Variants in EYS observed in about 807,000 individuals in gnomAD.
EYS encodes the protein EGF-like photoreceptor maintenance factor, also known as protein eyes shut homolog.
Under a neutral mutation model 282.1 loss-of-function variants are expected in EYS, and 250 were observed. That is an observed-to-expected ratio of 0.89 (90% confidence interval 0.80 to 0.98). The LOEUF (loss-of-function observed/expected upper bound fraction) is 0.98, where lower values mean the gene tolerates loss of function less well. EYS is among the 50% of genes least tolerant of loss of function. The pLI is 0.00. For missense variants in EYS, 4,016 were observed against 3,709.0 expected (o/e 1.08, Z -2.15); for synonymous variants, 1,355 against 1,282.9 (o/e 1.06, Z -1.20).
chr6:64,406,693 C>T (rs1483516010), intron 28 of EYS, among the ~76,000 whole-genome samples: 1 of 152,154 alleles, frequency 6.6e-6, no homozygotes, highest in Non-Finnish European at 1.5e-5. Context: ...ATGCAGCCAA[C>T]TAACATGAAA....
intron 16 of EYS, among the ~76,000 whole-genome samples, chr6:64,904,219 A>C (rs548304099): frequency 5.2e-4 from 79 of 152,330 alleles, no homozygotes; most frequent in African/African-American, 1.8e-3. Context: ...CAGACCAGGT[A>C]GTCTTCAGGA....
Position 64,027,795 on chromosome 6 carries a change from A to G in EYS, c.6726-28612T>C, listed in dbSNP as rs144660400. ...CCCTGGGACAGAAGCCCCCAAACAG[A>G]TGATCCAACAACAGGATTGAGGGTG... is the stretch of plus-strand genomic sequence containing the variant. On this transcript the variant is annotated intron_variant, in intron 33 of 42. Coordinates refer to ENST00000503581, the MANE Select transcript of EYS (RefSeq NM_001142800.2). Among the ~76,000 whole-genome samples, 1,464 of 152,310 alleles carry G rather than the reference A, an allele frequency of 9.6e-3. 22 individuals are homozygous for G. Among genetic ancestry groups the G allele is most frequent in the African/African-American group, 0.033 (1,392 of 41,572 alleles).
intron 14 of EYS, among the ~76,000 whole-genome samples, chr6:64,952,900 A>G (rs555293791): frequency 2.6e-5 from 4 of 151,968 alleles, no homozygotes; most frequent in Non-Finnish European, 5.9e-5. Flanking sequence ...CAATAATAAC[A>G]TCTGGAATAG....
intron 8 of EYS, among the ~76,000 whole-genome samples, chr6:65,360,311 A>G (rs1227502510): frequency 1.3e-5 from 2 of 152,002 alleles, no homozygotes; most frequent in Non-Finnish European, 2.9e-5. Context: ...ATTTCCACTC[A>G]TAGTCAAAAC....
intron 12 of EYS, among the ~76,000 whole-genome samples, chr6:65,188,547 T>A (rs763268674): frequency 2.6e-5 from 4 of 151,564 alleles, no homozygotes; most frequent in Non-Finnish European, 5.9e-5. Flanking sequence ...TATATCTTAA[T>A]CCTCAGAACT....
intron 9 of EYS, among the ~76,000 whole-genome samples, chr6:65,347,322 A>G (rs1770437390): frequency 6.6e-6 from 1 of 151,772 alleles, no homozygotes; most frequent in African/African-American, 2.4e-5. Context: ...GGGTGTTTAT[A>G]TTACTGACTT....
At chr6:64,099,925 A>G (rs1245103655) in intron 31 of EYS, among the ~76,000 whole-genome samples, 1 of 152,178 alleles carries the variant, frequency 6.6e-6, no homozygotes, top group East Asian at 1.9e-4. Context: ...CTTTATATAG[A>G]TAATCTTTTC....
At chr6:65,365,011 G>A (rs1764861198) in intron 8 of EYS, among the ~76,000 whole-genome samples, 1 of 151,554 alleles carries the variant, frequency 6.6e-6, no homozygotes, top group African/African-American at 2.4e-5. Context: ...CTGTCAAAAG[G>A]ATTTTTTTGT....
chr6:64,377,084 A>AATAGATAG (rs745336445), intron 29 of EYS, among the ~76,000 whole-genome samples: 290 of 151,992 alleles, frequency 1.9e-3, no homozygotes, highest in African/African-American at 6.7e-3. Context: ...TAGCTGGATG[A>AATAGATAG]ATAGATAGAT....
intron 31 of EYS, among the ~76,000 whole-genome samples, chr6:64,135,922 G>A (rs1278655024): frequency 3.3e-5 from 5 of 151,864 alleles, no homozygotes; most frequent in African/African-American, 4.8e-5. Context: ...AAAATGAGAC[G>A]TCAATAAAGT....
Position 64,975,615 on chromosome 6 carries a change from G to C in EYS, c.2259+21967C>G, listed in dbSNP as rs116967332. The stretch of plus-strand genomic sequence containing the variant: ...CAAGTGACCATTTGTTTCAAATATT[G>C]TTTAGCTAAAATAGATATCCCATAT... On this transcript the variant is annotated intron_variant, in intron 14 of 42. Coordinates refer to ENST00000503581, the MANE Select transcript of EYS (RefSeq NM_001142800.2). 7.4e-3 allele frequency among the ~76,000 whole-genome samples: 1,128 copies of C among 151,760 alleles called. 24 individuals are homozygous for C. Among genetic ancestry groups the C allele is most frequent in the Admixed American group, 0.045 (683 of 15,198 alleles).
At chr6:65,128,665 T>A (rs1461205405) in intron 12 of EYS, among the ~76,000 whole-genome samples, 2 of 151,526 alleles carry the variant, frequency 1.3e-5, no homozygotes, top group Non-Finnish European at 3.0e-5. Context: ...TCCTGAGAGA[T>A]TACACAAATA....
chr6:63,994,146 A>G (rs983434363), intron 34 of EYS, among the ~76,000 whole-genome samples: 9 of 151,994 alleles, frequency 5.9e-5, no homozygotes, highest in Admixed American at 2.6e-4. Context: ...GTCTTGAGGT[A>G]GTAGAAAATT....
At chr6:64,449,740 C>T (rs1462649995) in intron 26 of EYS, among the ~76,000 whole-genome samples, 2 of 152,046 alleles carry the variant, frequency 1.3e-5, no homozygotes, top group African/African-American at 4.8e-5. Context: ...CCCAGAATTT[C>T]ATATCCAGCC....
intron 12 of EYS, among the ~76,000 whole-genome samples, chr6:65,193,087 C>T (rs778027085): frequency 1.3e-5 from 2 of 151,806 alleles, no homozygotes; most frequent in African/African-American, 2.4e-5. Context: ...CAAACATTTA[C>T]GTTCTCACTC....
chr6:65,048,580 T>A (rs1773172885), intron 13 of EYS, among the ~76,000 whole-genome samples: 1 of 151,914 alleles, frequency 6.6e-6, no homozygotes, highest in South Asian at 2.1e-4. Context: ...TGGTGATTTA[T>A]AAAACGATAG....
chr6:64,375,963 T>A (rs749865835), intron 29 of EYS, among the ~76,000 whole-genome samples: 1 of 152,166 alleles, frequency 6.6e-6, no homozygotes, highest in African/African-American at 2.4e-5. Flanking sequence ...TTTTATTCCA[T>A]TGAAATTAAT....
At chr6:65,445,857 T>G (rs545754014) in intron 5 of EYS, among the ~76,000 whole-genome samples, 1 of 151,916 alleles carries the variant, frequency 6.6e-6, no homozygotes, top group South Asian at 2.1e-4. Context: ...ATGTTTAAAT[T>G]CCTAAACTAT....
intron 31 of EYS, among the ~76,000 whole-genome samples, chr6:64,183,350 T>G (rs1345887360): frequency 6.6e-6 from 1 of 152,188 alleles, no homozygotes; most frequent in East Asian, 1.9e-4. Flanking sequence ...GCCCTACTCA[T>G]GTGTGTGCCC....
Sources: gnomAD v4.1 joint callset for allele counts (sites outside exome capture counted in the v4.1 genomes callset) on GRCh38, gnomAD v4.1.1 for gene constraint, MANE v1.5 for transcripts, NCBI Gene and HGNC (gene_info 2026-07-23, HGNC 2026-07-21) for gene names.